The following LMF2 variants were observed in gnomAD, a reference collection of about 807,000 sequenced individuals.
LMF2 encodes the protein lipase maturation factor 2.
LMF2 carries 113 observed loss-of-function variants against 81.5 expected under a neutral mutation model. The observed-to-expected ratio is 1.39, with a 90% CI of 1.19 to 1.62. LMF2 has a LOEUF of 1.62. Among genes scored for constraint, LMF2 ranks in the 40% most tolerant of loss-of-function variants. The pLI, the probability that LMF2 is intolerant of heterozygous loss-of-function variation, is 0.00. For missense variants in LMF2, 1,235 were observed against 929.1 expected (o/e 1.33, Z -4.28); for synonymous variants, 645 against 424.5 (o/e 1.52, Z -6.39).
chr22:50,506,048 G>A lies in LMF2; in HGVS notation c.761C>T (p.Ala254Val), dbSNP rs781291772. ...FAPIRRLRLA[A>V]FYSQVLLQVL... ...GCCCTCACCCACCTGCGAGTAGAAA[G>A]CAGCCAAGCGCAGGCGTCGAATGGG... Residue 254 changes from alanine to valine, a missense_variant, in exon 5 of 14, where the codon GCT (alanine) becomes GTT (valine). Physicochemically the swap from Ala to Val is moderately conservative, Grantham distance 64 (BLOSUM62 0). Transcript: ENST00000474879. The A allele has an allele frequency of 5.7e-6, 9 of 1,586,498 alleles. No individual in the cohort carries two copies. Among genetic ancestry groups the A allele is most frequent in the Non-Finnish European group, 7.7e-6 (9 of 1,166,572 alleles).
At position 50,506,646 on chromosome 22, in the gene LMF2, A is replaced by G. The variant is rs2068583411; in HGVS notation, c.369T>C (p.Tyr123=). The G allele has an allele frequency of 1.9e-6, 3 of 1,613,278 alleles. No homozygotes were observed. The South Asian group carries it at 3.3e-5, about 18-fold the overall frequency. The change falls in exon 3 of 14, where the codon TAT becomes TAC. Residue 123 remains tyrosine (Y), a synonymous_variant. Coordinates refer to ENST00000474879, the MANE Select transcript of LMF2 (RefSeq NM_033200.3). ...SACQVGQVFL[Y]FQWDSLLLET... ...GCCCAGCCGTCACTCACCACTGGAA[A>G]TAAAGGAACACCTGGCCCACCTGCG...
At chr22:50,504,279 C>A in intron 12 of LMF2, 61 bp downstream of exon 12, 1 of 1,081,716 alleles carries the variant, frequency 9.2e-7, no homozygotes, top group African/African-American at 1.8e-5. Flanking sequence ...TCCACACCCC[C>A]CGGTGCCCGG....
At chr22:50,503,981 C>T (rs1449326730) in intron 12 of LMF2, 77 bp from the exon 13 acceptor site, 71 of 1,336,336 alleles carry the variant, frequency 5.3e-5, no homozygotes, top group Non-Finnish European at 6.7e-5. Context: ...AGCCTTACCC[C>T]TGCTCCTCAG....
rs1312877061 is a variant in LMF2, at chr22:50,506,324, T to C, written c.556A>G (p.Lys186Glu). 3.2e-6 allele frequency: 5 copies of C among 1,549,444 alleles called. No homozygotes were observed. Among genetic ancestry groups the C allele is most frequent in the Non-Finnish European group, 4.4e-6 (5 of 1,146,752 alleles). ...CACGCAGGGCAGCGGCTGGTCAGCT[T>C]GACCACGCCTGAGGCGAACATGAGG... ...FRLMFASGVV[K>E]LTSRCPAWWG... Residue 186 changes from lysine (K) to glutamate (E), a missense_variant, in exon 4 of 14, where the codon AAG becomes GAG. Physicochemically the swap from Lys to Glu is moderately conservative, Grantham distance 56. Coordinates refer to ENST00000474879, the MANE Select transcript of LMF2 (RefSeq NM_033200.3).
rs903545112 is a variant in LMF2, at chr22:50,507,107, G to A, written c.95-72C>T. The A allele has an allele frequency of 5.9e-6, 9 of 1,517,430 alleles. No homozygotes were observed. In the African/African-American group the frequency reaches 9.6e-5, roughly 16 times the overall value. The allele number at this position is 1,517,430 out of a possible 1,614,324, so 94.0% of individuals were successfully genotyped here. A position where few individuals can be genotyped will look rare whatever the true frequency, so the allele number is the denominator to read the frequency against. On this transcript the variant is annotated intron_variant, in intron 1 of 13. Transcript: ENST00000474879. ...CTAGACTACCTCTGAGTCAGGGCCT[G>A]CAGATCCCCCAGCCTAGGTCAGAGC...
Position 50,503,601 on chromosome 22 carries a change from C to A in LMF2, c.1914G>T (p.Leu638=). 1.3e-6 allele frequency: 2 copies of A among 1,558,092 alleles called. No homozygotes were observed. Among genetic ancestry groups the A allele is most frequent in the Admixed American group, 2.0e-5 (1 of 49,810 alleles). The stretch of plus-strand genomic sequence containing the variant: ...CCACGGCCATGAGGAGCCCCCAGAG[C>A]AGGGCGGGGGCCTCCAGGGGAGACA... ...SQLSPLEAPA[L]LWGLLMAVGA... The change falls in exon 14 of 14, where the codon CTG becomes CTT. Residue 638 remains leucine, a synonymous_variant. Transcript: ENST00000474879.
At chr22:50,504,512 C>G (rs776800295) in intron 11 of LMF2, 47 bp downstream of exon 11, 1 of 1,513,836 alleles carries the variant, frequency 6.6e-7, no homozygotes, top group Non-Finnish European at 8.9e-7. Flanking sequence ...CCCTCCCCAC[C>G]CCGCTCCACC....
At chr22:50,507,202 G>C in intron 1 of LMF2, 167 bp from the exon 2 acceptor site, 2 of 1,177,486 alleles carry the variant, frequency 1.7e-6, no homozygotes, top group Non-Finnish European at 2.3e-6. Context: ...GTCGGGACCT[G>C]TCAAAACCCC....
At chr22:50,506,001 C>G (rs1417862619) in intron 5 of LMF2, 34 bp downstream of exon 5, 20 of 1,567,350 alleles carry the variant, frequency 1.3e-5, no homozygotes, top group Non-Finnish European at 1.7e-5. Context: ...CGAGCCCTGT[C>G]TGCCTCTCTC....
intron 6 of LMF2, 41 bp from the exon 7 acceptor site, chr22:50,505,578 G>T (rs369462014): frequency 3.7e-6 from 6 of 1,611,826 alleles, no homozygotes; most frequent in Middle Eastern, 1.6e-4. Context: ...AGGGTCCCCA[G>T]CCAGGGGGCT....
In LMF2 at chr22:50,503,183, G is replaced by A. The variant is rs1428671393; in HGVS notation, c.*208C>T. On this transcript the variant is annotated 3_prime_UTR_variant, in exon 14 of 14. Transcript: ENST00000474879. ...TCCTGGGCCAATCACAGAGGCAATA[G>A]TGGGAGTCCTGGGGAGGGGCATGGC... The A allele has an allele frequency of 3.6e-6, 2 of 548,016 alleles. No individual in the cohort carries two copies. Among genetic ancestry groups the A allele is most frequent in the East Asian group, 3.4e-5 (1 of 29,740 alleles). The allele number at this position is 548,016 out of a possible 1,614,324, so 33.9% of individuals were successfully genotyped here. A position where few individuals can be genotyped will look rare whatever the true frequency, so the allele number is the denominator to read the frequency against.
chr22:50,504,981 G>T lies in LMF2; in HGVS notation c.1258C>A (p.Pro420Thr). The T allele has an allele frequency of 6.2e-7, 1 of 1,609,922 alleles. No homozygotes were observed. Among genetic ancestry groups the T allele is most frequent in the Non-Finnish European group, 8.5e-7 (1 of 1,177,768 alleles). ...GTCCCGGGCTCCACGTAGGAGTACG[G>T]CACCTGGAGACAGGTGGGAGGTTCT... is the stretch of plus-strand genomic sequence containing the variant. ...TVALFLISLV[P>T]YSYVEPGTHG... The change falls in exon 10 of 14, where the codon CCG becomes ACG. Residue 420 changes from proline (P) to threonine (T), a missense_variant. Physicochemically the swap from Pro to Thr is conservative, Grantham distance 38. Coordinates refer to ENST00000474879, the MANE Select transcript of LMF2 (RefSeq NM_033200.3).
intron 8 of LMF2, 31 bp from the exon 9 acceptor site, chr22:50,505,184 G>A (rs767067555): frequency 1.4e-5 from 22 of 1,612,544 alleles, no homozygotes; most frequent in East Asian, 4.5e-5. Flanking sequence ...TCGTCAGGCC[G>A]GCCCTGCACA....
At position 50,505,343 on chromosome 22, in the gene LMF2, G is replaced by C. The variant is rs375790067; in HGVS notation, c.1052-9C>G. 7.8e-4 allele frequency: 1,252 copies of C among 1,613,302 alleles called. 9 individuals are homozygous for C. In the African/African-American group the frequency reaches 0.012, roughly 16 times the overall value. ...CTGGTGGAAGGTGAAAGCTGGTGGA[G>C]GAGGGGGGTGTGAGGACTGGTCCGC... is the stretch of plus-strand genomic sequence containing the variant. On this transcript the variant is annotated splice_polypyrimidine_tract_variant and intron_variant, in intron 7 of 13. Coordinates refer to ENST00000474879, the MANE Select transcript of LMF2 (RefSeq NM_033200.3).
In LMF2 at chr22:50,503,393, A is replaced by C; in HGVS notation, c.2122T>G (p.Ter708GluextTer9). Residue 708 changes from the stop codon to glutamate, a stop_lost, in exon 14 of 14, where the codon TAG (stop) becomes GAG (glutamate). Coordinates refer to ENST00000474879, the MANE Select transcript of LMF2 (RefSeq NM_033200.3). ...GACGTGCAGCTGGGAGAACACAGCT[A>C]CTTCTTTCGCCGGGTGGTCCTCGAA... is the stretch of plus-strand genomic sequence containing the variant. ...SSSRTTRRKK[*>E] 1 of 1,610,292 alleles carries C rather than the reference A, an allele frequency of 6.2e-7. No individual in the cohort carries two copies. The highest frequency in any genetic ancestry group is 8.5e-7 in the Non-Finnish European group (1 of 1,178,972).
chr22:50,505,839 C>T (rs778909609), intron 5 of LMF2, 24 bp from the exon 6 acceptor site: 1 of 1,611,214 alleles, frequency 6.2e-7, no homozygotes, highest in Non-Finnish European at 8.5e-7. Context: ...GCTCTCAGTG[C>T]TCCCGGAGAC....
At position 50,504,794 on chromosome 22, in the gene LMF2, G is replaced by A. The variant is rs370058507; in HGVS notation, c.1437+8C>T. 1 of 1,604,696 alleles carries A rather than the reference G, an allele frequency of 6.2e-7. No individual in the cohort carries two copies. The highest frequency in any genetic ancestry group is 1.3e-5 in the African/African-American group (1 of 74,836). On this transcript the variant is annotated splice_region_variant and intron_variant, in intron 10 of 13. Coordinates refer to ENST00000474879, the MANE Select transcript of LMF2 (RefSeq NM_033200.3). ...CCCCACCACCCTGCCCGCCCTGGGA[G>A]GGCTCACCGTCCAGTGGTGGCCGTC... is the stretch of plus-strand genomic sequence containing the variant.
intron 6 of LMF2, 45 bp from the exon 7 acceptor site, chr22:50,505,582 G>A (rs1028669938): frequency 1.4e-5 from 22 of 1,610,354 alleles, no homozygotes; most frequent in Non-Finnish European, 1.8e-5. Context: ...TCCCCAGCCA[G>A]GGGGCTGGGG....
In LMF2 at chr22:50,504,726, TCCTG is replaced by T; in HGVS notation, c.1438-3_1438del. The T allele has an allele frequency of 6.2e-7, 1 of 1,609,428 alleles. No homozygotes were observed. The highest frequency in any genetic ancestry group is 1.1e-5 in the South Asian group (1 of 91,028). On this transcript the variant is annotated splice_acceptor_variant and splice_polypyrimidine_tract_variant and coding_sequence_variant and intron_variant, in exon 11 of 14. Coordinates refer to ENST00000474879, the MANE Select transcript of LMF2 (RefSeq NM_033200.3). LOFTEE classifies it high-confidence loss of function. ...CCCAGGCTTGTACATGAACTCGATC[TCCTG>T]CCAGGCAGGCCGAGGTCAGCTGGGC...
Sources: allele counts gnomAD v4.1 joint callset, GRCh38; gene constraint gnomAD v4.1.1; transcripts MANE v1.5; gene names NCBI Gene and HGNC (gene_info 2026-07-23, HGNC 2026-07-21).